Variants in EFCAB6 observed in about 807,000 individuals in gnomAD.
EFCAB6 encodes the protein EF-hand calcium-binding domain-containing protein 6.
Under a neutral mutation model 169.8 loss-of-function variants are expected in EFCAB6, and 156 were observed. That is an observed-to-expected ratio of 0.92 (90% confidence interval 0.81 to 1.05). The LOEUF (loss-of-function observed/expected upper bound fraction) is 1.05. EFCAB6 is among the 50% of genes least tolerant of loss of function. The pLI is 0.00. For missense variants in EFCAB6, 1,800 were observed against 1,829.1 expected, an observed-to-expected ratio of 0.98 and a Z score of 0.29; for synonymous variants, 698 against 676.4, an observed-to-expected ratio of 1.03 and a Z score of -0.50.
chr22:43,655,150 G>T (rs1013673580), intron 17 of EFCAB6, among the ~76,000 whole-genome samples: 2 of 152,018 alleles, frequency 1.3e-5, no homozygotes, highest in Non-Finnish European at 2.9e-5. Flanking sequence ...CCAGCTACTC[G>T]GGAGGCTGAG....
intron 5 of EFCAB6, among the ~76,000 whole-genome samples, chr22:43,756,941 G>A (rs1470502063): frequency 6.6e-6 from 1 of 152,150 alleles, no homozygotes; most frequent in African/African-American, 2.4e-5. Flanking sequence ...AGGAGGCCAG[G>A]GAGACCAGAG....
At chr22:43,643,989 A>C (rs972296880) in intron 17 of EFCAB6, among the ~76,000 whole-genome samples, 2 of 151,480 alleles carry the variant, frequency 1.3e-5, no homozygotes, top group Non-Finnish European at 2.9e-5. Flanking sequence ...ACGCCTGGCA[A>C]ATTTTTGTAT....
At chr22:43,753,473 CAGAG>C (rs1257765708) in intron 6 of EFCAB6, among the ~76,000 whole-genome samples, 1 of 152,166 alleles carries the variant, frequency 6.6e-6, no homozygotes, top group Non-Finnish European at 1.5e-5. Flanking sequence ...CTCCTCAAAA[CAGAG>C]AGCGCCTCTT....
chr22:43,573,097 C>T (rs567676395), intron 26 of EFCAB6, among the ~76,000 whole-genome samples: 1 of 152,294 alleles, frequency 6.6e-6, no homozygotes, highest in East Asian at 1.9e-4. Context: ...ATCAAATCAG[C>T]ACATCGGGGA....
intron 10 of EFCAB6, among the ~76,000 whole-genome samples, chr22:43,694,914 T>C (rs962577239): frequency 6.6e-6 from 1 of 152,098 alleles, no homozygotes; most frequent in African/African-American, 2.4e-5. Context: ...AAAGCAGGAA[T>C]GTCTAATATC....
intron 19 of EFCAB6, among the ~76,000 whole-genome samples, chr22:43,629,491 G>A (rs1361368251): frequency 6.6e-6 from 1 of 152,202 alleles, no homozygotes; most frequent in Non-Finnish European, 1.5e-5. Flanking sequence ...GGTGTGGTGT[G>A]TTCAATCAGC....
rs577662152 is a variant in EFCAB6 at position 43,726,175 on chromosome 22, CA to C, written c.757+5523del. Among the ~76,000 whole-genome samples, 6 of 133,156 alleles carry C rather than the reference CA, an allele frequency of 4.5e-5. No individual in the cohort carries two copies. In the South Asian group the frequency reaches 7.5e-4, roughly 17 times the overall value. 87.4% of individuals were successfully genotyped at this position (133,156 alleles called of 152,430 possible). ...GCCAATTATTGATAAAATGCAAAAACAAAAAAAGGGATGTCCATAGCAAAAC... is the reference window on the plus strand; with the variant it reads ...GCCAATTATTGATAAAATGCAAAAACAAAAAAGGGATGTCCATAGCAAAAC... On this transcript the variant is annotated intron_variant, in intron 8 of 31. Coordinates refer to ENST00000262726, the MANE Select transcript of EFCAB6 (RefSeq NM_022785.4).
intron 2 of EFCAB6, among the ~76,000 whole-genome samples, chr22:43,807,827 T>A (rs191837374): frequency 2.4e-4 from 36 of 152,378 alleles, no homozygotes; most frequent in African/African-American, 8.7e-4. Flanking sequence ...ATATCAACTA[T>A]CAAGTTCCCT....
At chr22:43,539,655 A>G (rs981642977) in intron 28 of EFCAB6, among the ~76,000 whole-genome samples, 1 of 152,198 alleles carries the variant, frequency 6.6e-6, no homozygotes, top group Non-Finnish European at 1.5e-5. Context: ...GCAATTTGAC[A>G]GGCCTGGGCT....
In EFCAB6 at chr22:43,641,192, C is replaced by T. The variant is rs114880617; in HGVS notation, c.1984-5976G>A. On this transcript the variant is annotated intron_variant, in intron 17 of 31. Coordinates refer to ENST00000262726, the MANE Select transcript of EFCAB6 (RefSeq NM_022785.4). ...CATGGGATGTCAACATACGGAACAGCTGGCAACACTCATCAGGCTCTTGCT... is the reference window on the plus strand; with the variant it reads ...CATGGGATGTCAACATACGGAACAGTTGGCAACACTCATCAGGCTCTTGCT... Among the ~76,000 whole-genome samples, 1,403 of 152,318 alleles carry T rather than the reference C, an allele frequency of 9.2e-3. 20 individuals carry two copies. The highest frequency in any genetic ancestry group is 0.032 in the African/African-American group (1,349 of 41,560).
chr22:43,591,112 T>G (rs9614441), intron 23 of EFCAB6, among the ~76,000 whole-genome samples: 139 of 26,184 alleles, frequency 5.3e-3, no homozygotes, highest in Non-Finnish European at 7.9e-3. Context: ...TTGTTTTTTG[T>G]TTTTTTTTTT....
intron 2 of EFCAB6, among the ~76,000 whole-genome samples, chr22:43,797,959 C>A (rs917122734): frequency 4.6e-5 from 7 of 152,294 alleles, no homozygotes; most frequent in African/African-American, 1.7e-4. Flanking sequence ...CTAATGAATG[C>A]CTCTTTCTCC....
intron 3 of EFCAB6, among the ~76,000 whole-genome samples, chr22:43,778,206 C>T (rs1036697962): frequency 6.6e-6 from 1 of 152,208 alleles, no homozygotes; most frequent in African/African-American, 2.4e-5. Context: ...ATTTAGCAGC[C>T]ACATGAGGCT....
At chr22:43,634,247 T>C (rs1305264851) in intron 18 of EFCAB6, among the ~76,000 whole-genome samples, 1 of 152,134 alleles carries the variant, frequency 6.6e-6, no homozygotes, top group Non-Finnish European at 1.5e-5. Flanking sequence ...TTAAAAAATA[T>C]CAAAACATCT....
At chr22:43,798,364 AG>A (rs889438865) in intron 2 of EFCAB6, among the ~76,000 whole-genome samples, 1 of 151,952 alleles carries the variant, frequency 6.6e-6, no homozygotes, top group African/African-American at 2.4e-5. Flanking sequence ...AAAAAAAAAA[AG>A]AATTTGCATT....
At chr22:43,591,741 A>G (rs1048182538) in intron 23 of EFCAB6, among the ~76,000 whole-genome samples, 1 of 152,276 alleles carries the variant, frequency 6.6e-6, no homozygotes, top group African/African-American at 2.4e-5. Flanking sequence ...TCTTGCAGAG[A>G]TGTGTGATCT....
intron 8 of EFCAB6, among the ~76,000 whole-genome samples, chr22:43,719,506 T>G (rs1338912523): frequency 6.6e-6 from 1 of 152,188 alleles, no homozygotes; most frequent in Non-Finnish European, 1.5e-5. Flanking sequence ...ATAGAACACA[T>G]TGTTCCACAT....
chr22:43,755,688 T>C (rs2060932623), intron 6 of EFCAB6, 78 bp downstream of exon 6: 1 of 1,323,416 alleles, frequency 7.6e-7, no homozygotes, highest in Admixed American at 2.7e-5. Flanking sequence ...GCTCATTTTC[T>C]ATCATCTACC....
chr22:43,644,182 G>A (rs904393374), intron 17 of EFCAB6, among the ~76,000 whole-genome samples: 6 of 152,046 alleles, frequency 3.9e-5, no homozygotes, highest in Non-Finnish European at 5.9e-5. Context: ...ATTCACTCTC[G>A]TGACCAAACG....
Sources: gnomAD v4.1 joint callset for allele counts (sites outside exome capture counted in the v4.1 genomes callset) on GRCh38, gnomAD v4.1.1 for gene constraint, MANE v1.5 for transcripts, NCBI Gene and HGNC (gene_info 2026-07-23, HGNC 2026-07-21) for gene names.